The following NMNAT2 variants were observed in gnomAD, a reference collection of about 807,000 sequenced individuals.
The protein encoded by NMNAT2 is nicotinamide nucleotide adenylyltransferase 2, also known as nicotinamide/nicotinic acid mononucleotide adenylyltransferase 2.
NMNAT2 carries 11 observed loss-of-function variants against 41.6 expected under a neutral mutation model. That is an observed-to-expected ratio of 0.26 (90% confidence interval 0.17 to 0.44). NMNAT2 has a LOEUF of 0.44. Ranked by LOEUF, NMNAT2 falls within the 20% of genes least tolerant of loss-of-function variation. The pLI is 1.00. For missense variants in NMNAT2, 288 were observed against 407.7 expected (o/e 0.71, Z 2.53); for synonymous variants, 148 against 151.2 (o/e 0.98, Z 0.16).
intron 8 of NMNAT2, 27 bp downstream of exon 8, chr1:183,278,526 G>T (rs200116451): frequency 9.1e-6 from 14 of 1,546,108 alleles, no homozygotes; most frequent in African/African-American, 8.1e-5. Flanking sequence ...TCCCAGCTGG[G>T]TGCCAGGCAA....
intron 1 of NMNAT2, among the ~76,000 whole-genome samples, chr1:183,398,589 C>A (rs1463211555): frequency 6.6e-6 from 1 of 152,144 alleles, no homozygotes; most frequent in Non-Finnish European, 1.5e-5. Flanking sequence ...ACTCTCCACC[C>A]CAAATCAACA....
intron 1 of NMNAT2, among the ~76,000 whole-genome samples, chr1:183,314,338 C>CA (rs962224493): frequency 6.6e-5 from 10 of 152,330 alleles, no homozygotes; most frequent in African/African-American, 2.2e-4. Flanking sequence ...GCCAACCCTT[C>CA]AAAATCCAAC....
intron 1 of NMNAT2, among the ~76,000 whole-genome samples, chr1:183,368,124 A>G (rs908682628): frequency 1.3e-5 from 2 of 152,236 alleles, no homozygotes; most frequent in Non-Finnish European, 2.9e-5. Context: ...TTAGGAATTA[A>G]TATTTATTAT....
intron 1 of NMNAT2, among the ~76,000 whole-genome samples, chr1:183,395,091 T>G (rs180874306): frequency 1.3e-5 from 2 of 152,302 alleles, no homozygotes; most frequent in East Asian, 3.9e-4. Context: ...AGACAGACAC[T>G]GGCAACAACT....
At chr1:183,354,178 A>G (rs1393267175) in intron 1 of NMNAT2, among the ~76,000 whole-genome samples, 1 of 152,110 alleles carries the variant, frequency 6.6e-6, no homozygotes, top group Non-Finnish European at 1.5e-5. Flanking sequence ...TCAGATAGTC[A>G]ATTGCTGCAG....
chr1:183,367,585 A>T (rs1209574708), intron 1 of NMNAT2, among the ~76,000 whole-genome samples: 1 of 152,236 alleles, frequency 6.6e-6, no homozygotes, highest in Non-Finnish European at 1.5e-5. Context: ...CCAGTGCAAG[A>T]TGAGAGATAT....
intron 8 of NMNAT2, among the ~76,000 whole-genome samples, chr1:183,263,273 T>C (rs1660709426): frequency 6.6e-6 from 1 of 152,228 alleles, no homozygotes. Context: ...ATACAGAGCA[T>C]TGCACAACAC....
chr1:183,332,630 A>G (rs930436632), intron 1 of NMNAT2, among the ~76,000 whole-genome samples: 2 of 152,298 alleles, frequency 1.3e-5, no homozygotes, highest in South Asian at 2.1e-4. Context: ...ACATGGGGGC[A>G]GTGGAGGAGA....
chr1:183,344,613 C>T (rs1422977192), intron 1 of NMNAT2, among the ~76,000 whole-genome samples: 1 of 152,086 alleles, frequency 6.6e-6, no homozygotes, highest in African/African-American at 2.4e-5. Flanking sequence ...TTCTCAGCCT[C>T]GGCACTACTG....
At position 183,344,851 on chromosome 1, in the gene NMNAT2, ATAGT is replaced by A. The variant is rs550761300; in HGVS notation, c.86-51062_86-51059del. Among the ~76,000 whole-genome samples the A allele has an allele frequency of 1.6e-3, 247 of 152,330 alleles. 1 individual carries two copies. The highest frequency in any genetic ancestry group is 4.8e-3 in the African/African-American group (201 of 41,558). ...GGTAGAGCATCTTTTCCACTACCAC[ATAGT>A]TAGTGATGATGTAGCTTAGATTGAG... On this transcript the variant is annotated intron_variant, in intron 1 of 10. Transcript: ENST00000287713.
At chr1:183,288,187 C>A (rs1247557255) in intron 4 of NMNAT2, among the ~76,000 whole-genome samples, 1 of 152,224 alleles carries the variant, frequency 6.6e-6, no homozygotes, top group African/African-American at 2.4e-5. Context: ...CTTGTTCTAT[C>A]TCTGAGAAGT....
At chr1:183,254,598 T>A (rs1428323920) in intron 10 of NMNAT2, among the ~76,000 whole-genome samples, 1 of 152,002 alleles carries the variant, frequency 6.6e-6, no homozygotes, top group African/African-American at 2.4e-5. Context: ...CTACCATGCC[T>A]GGCTAATTTT....
intron 10 of NMNAT2, among the ~76,000 whole-genome samples, chr1:183,256,426 A>G (rs1660517604): frequency 1.3e-5 from 2 of 152,188 alleles, no homozygotes; most frequent in Admixed American, 6.5e-5. Context: ...ATAATAAAAA[A>G]ATTAAAAAAT....
chr1:183,287,718 C>T (rs982026333), intron 4 of NMNAT2, among the ~76,000 whole-genome samples: 11 of 152,204 alleles, frequency 7.2e-5, no homozygotes, highest in East Asian at 1.9e-4. Context: ...AAGGTTTCTT[C>T]GTTTCCAAAA....
At chr1:183,384,556 G>A (rs1648126220) in intron 1 of NMNAT2, among the ~76,000 whole-genome samples, 2 of 152,092 alleles carry the variant, frequency 1.3e-5, no homozygotes, top group Non-Finnish European at 2.9e-5. Flanking sequence ...TCACAAGAAC[G>A]GCAAGGGGAG....
At chr1:183,412,381 G>A (rs553686444) in intron 1 of NMNAT2, among the ~76,000 whole-genome samples, 15 of 152,258 alleles carry the variant, frequency 9.9e-5, no homozygotes, top group African/African-American at 3.4e-4. Context: ...GTGCCACCAC[G>A]CCCGGCTAAT....
chr1:183,389,931 G>A (rs191262885), intron 1 of NMNAT2, among the ~76,000 whole-genome samples: 83 of 150,696 alleles, frequency 5.5e-4, no homozygotes, highest in African/African-American at 1.9e-3. Flanking sequence ...AAGAAAATAC[G>A]TTAGTTCTCT....
At chr1:183,279,661 C>T (rs182389740) in intron 7 of NMNAT2, among the ~76,000 whole-genome samples, 9 of 152,230 alleles carry the variant, frequency 5.9e-5, no homozygotes, top group Non-Finnish European at 1.2e-4. Context: ...TAAGCTGTCC[C>T]CTGCTGTGGA....
intron 1 of NMNAT2, among the ~76,000 whole-genome samples, chr1:183,396,088 G>C (rs1648630383): frequency 6.6e-6 from 1 of 152,184 alleles, no homozygotes; most frequent in Non-Finnish European, 1.5e-5. Flanking sequence ...CCTTGAGCAA[G>C]ATTCCCAGAG....
Sources: gnomAD v4.1 joint callset for allele counts (sites outside exome capture counted in the v4.1 genomes callset) on GRCh38, gnomAD v4.1.1 for gene constraint, MANE v1.5 for transcripts, NCBI Gene and HGNC (gene_info 2026-07-23, HGNC 2026-07-21) for gene names.